RGS5: variants seen among roughly 807,000 people sequenced by gnomAD.
The protein encoded by RGS5 is regulator of G protein signaling 5.
A neutral mutation model predicts 18.9 loss-of-function variants in RGS5; 20 were observed. The observed-to-expected ratio is 1.06, with a 90% CI of 0.74 to 1.54. The LOEUF is 1.54. RGS5 is among the 40% of genes most tolerant of loss of function. RGS5 has a pLI of 0.00. For missense variants in RGS5, 201 were observed against 211.8 expected (o/e 0.95, Z 0.32); for synonymous variants, 57 against 76.2 (o/e 0.75, Z 1.31).
intron 1 of RGS5, among the ~76,000 whole-genome samples, chr1:163,313,719 G>A (rs981903700): frequency 6.6e-6 from 1 of 152,298 alleles, no homozygotes; most frequent in East Asian, 1.9e-4. Flanking sequence ...GTGTTGTACT[G>A]TAGGGAAGTG....
chr1:163,220,110 T>C (rs1373177552), upstream of RGS5, among the ~76,000 whole-genome samples: 1 of 152,212 alleles, frequency 6.6e-6, no homozygotes, highest in Non-Finnish European at 1.5e-5. Flanking sequence ...TTTGCTTGTT[T>C]AGTGGTATTA....
intron 2 of RGS5, among the ~76,000 whole-genome samples, chr1:163,265,836 T>C (rs1648560705): frequency 6.6e-6 from 1 of 152,198 alleles, no homozygotes. Flanking sequence ...CTTCCTTTTC[T>C]GGCTTCTCAT....
intron 1 of RGS5, among the ~76,000 whole-genome samples, chr1:163,308,054 C>T (rs1027859143): frequency 6.6e-6 from 1 of 152,186 alleles, no homozygotes; most frequent in African/African-American, 2.4e-5. Context: ...TTTAAAGTTC[C>T]TAAACCCAGA....
At chr1:163,240,698 G>C (rs1312724792) in intron 2 of RGS5, among the ~76,000 whole-genome samples, 1 of 152,040 alleles carries the variant, frequency 6.6e-6, no homozygotes, top group Non-Finnish European at 1.5e-5. Context: ...TAAACGTTTT[G>C]TTGAGACAGA....
At chr1:163,185,326 A>G (rs1331715431) in intron 1 of RGS5, among the ~76,000 whole-genome samples, 1 of 152,190 alleles carries the variant, frequency 6.6e-6, no homozygotes, top group Admixed American at 6.5e-5. Flanking sequence ...AATCAAATTA[A>G]TAACTAACAA....
intron 2 of RGS5, among the ~76,000 whole-genome samples, chr1:163,269,533 G>A (rs76367598): frequency 0.084 from 12,734 of 152,144 alleles, 573 homozygotes; most frequent in Middle Eastern, 0.13. Flanking sequence ...GGTTGGTTAT[G>A]GGGCCTGGAG....
chr1:163,155,097 A>G (rs1486519610), intron 3 of RGS5, among the ~76,000 whole-genome samples: 1 of 152,108 alleles, frequency 6.6e-6, no homozygotes. Flanking sequence ...GAGCTCCCAC[A>G]CAATAAGGTC....
intron 1 of RGS5, among the ~76,000 whole-genome samples, chr1:163,188,261 A>G (rs1659177887): frequency 6.6e-6 from 1 of 152,190 alleles, no homozygotes; most frequent in African/African-American, 2.4e-5. Context: ...TCCCACGGTC[A>G]TTGTTATCTT....
At chr1:163,231,014 T>C (rs924899791) in intron 2 of RGS5, among the ~76,000 whole-genome samples, 1 of 152,208 alleles carries the variant, frequency 6.6e-6, no homozygotes, top group Non-Finnish European at 1.5e-5. Flanking sequence ...GATTGACATT[T>C]GTCTGACTGG....
intron 4 of RGS5, among the ~76,000 whole-genome samples, chr1:163,147,904 GC>G (rs1463857336): frequency 3.6e-5 from 3 of 83,280 alleles, no homozygotes; most frequent in Non-Finnish European, 7.1e-5. Flanking sequence ...GTGTCCTGGT[GC>G]TTTTTTCTTT....
chr1:163,171,334 C>G (rs190054362), intron 1 of RGS5, among the ~76,000 whole-genome samples: 1 of 152,120 alleles, frequency 6.6e-6, no homozygotes, highest in Admixed American at 6.6e-5. Context: ...GACACAGTAT[C>G]CCACCCAGTC....
intron 1 of RGS5, among the ~76,000 whole-genome samples, chr1:163,179,390 C>T (rs1162138352): frequency 2.6e-5 from 4 of 152,118 alleles, no homozygotes; most frequent in Admixed American, 6.5e-5. Context: ...AATATTAGTG[C>T]CCAGCACATG....
intron 2 of RGS5, among the ~76,000 whole-genome samples, chr1:163,229,595 T>G (rs1647425262): frequency 6.6e-6 from 1 of 152,230 alleles, no homozygotes; most frequent in South Asian, 2.1e-4. Flanking sequence ...CCCCTTCCTC[T>G]CACTCTGTCC....
intron 1 of RGS5, among the ~76,000 whole-genome samples, chr1:163,208,298 A>G (rs1458860484): frequency 7.5e-6 from 1 of 133,298 alleles, no homozygotes; most frequent in Admixed American, 8.3e-5. Flanking sequence ...CAGTGAGCCG[A>G]GATCCCGCCA....
At chr1:163,305,514 T>G (rs1649672765) in intron 2 of RGS5, among the ~76,000 whole-genome samples, 1 of 152,198 alleles carries the variant, frequency 6.6e-6, no homozygotes, top group Admixed American at 6.5e-5. Flanking sequence ...TGGTCCTCTT[T>G]CAAGTAGTCA....
chr1:163,265,243 AG>A (rs1648547196), intron 2 of RGS5, among the ~76,000 whole-genome samples: 1 of 152,086 alleles, frequency 6.6e-6, no homozygotes, highest in Non-Finnish European at 1.5e-5. Context: ...TTAAGTTCAT[AG>A]GGGGAAAAAA....
chr1:163,260,764 G>A (rs1390589360), intron 2 of RGS5: 2 of 151,728 alleles, frequency 1.3e-5, no homozygotes, highest in African/African-American at 4.8e-5. Context: ...AACATGTCAT[G>A]TATTTGTTCT....
chr1:163,215,891 A>G (rs2101674673), intron 1 of RGS5, among the ~76,000 whole-genome samples: 1 of 152,114 alleles, frequency 6.6e-6, no homozygotes, highest in East Asian at 1.9e-4. Flanking sequence ...ATAGTGAAAC[A>G]CCGTGTCTAT....
chr1:163,271,361 C>T (rs1240813509), intron 2 of RGS5, among the ~76,000 whole-genome samples: 2 of 152,034 alleles, frequency 1.3e-5, no homozygotes, highest in Admixed American at 6.6e-5. Flanking sequence ...AAGGTAGAGC[C>T]CCCATGATGG....
Sources: allele counts gnomAD v4.1 joint callset (sites outside exome capture counted in the v4.1 genomes callset), GRCh38; gene constraint gnomAD v4.1.1; transcripts MANE v1.5; gene names NCBI Gene and HGNC (gene_info 2026-07-23, HGNC 2026-07-21).